Variants in SLC11A2 observed in about 807,000 individuals in gnomAD.
The protein encoded by SLC11A2 is natural resistance-associated macrophage protein 2.
A neutral mutation model predicts 68.0 loss-of-function variants in SLC11A2; 38 were observed. That is an observed-to-expected ratio of 0.56 (90% CI 0.43 to 0.73). SLC11A2 has a LOEUF of 0.73. Among genes scored for constraint, SLC11A2 ranks in the 30% least tolerant of loss-of-function variants. The pLI, the probability that SLC11A2 is intolerant of heterozygous loss-of-function variation, is 0.00. For missense variants in SLC11A2, 517 were observed against 690.5 expected, an observed-to-expected ratio of 0.75 and a Z score of 2.82; for synonymous variants, 242 against 250.6, an observed-to-expected ratio of 0.97 and a Z score of 0.32.
At chr12:51,011,889 T>G (rs1474952201) in intron 1 of SLC11A2, among the ~76,000 whole-genome samples, 2 of 152,118 alleles carry the variant, frequency 1.3e-5, no homozygotes, top group African/African-American at 4.8e-5. Flanking sequence ...GACAGAAATC[T>G]GTAATTCTCT....
intron 2 of SLC11A2, among the ~76,000 whole-genome samples, chr12:51,008,960 G>C (rs991108967): frequency 2.6e-5 from 4 of 151,698 alleles, no homozygotes; most frequent in Non-Finnish European, 5.9e-5. Flanking sequence ...AATTTTTAGA[G>C]CCATTTCATT....
Position 51,025,801 on chromosome 12 carries a change from T to C in SLC11A2, c.-39+509A>G, listed in dbSNP as rs571556354. Reference sequence around the variant, plus strand: ...ATTACTGAGCCGCGTATGCAGGCTATTCACACAGAAGGCGCTCCCTGAAGT... The same window carrying C: ...ATTACTGAGCCGCGTATGCAGGCTACTCACACAGAAGGCGCTCCCTGAAGT... On this transcript the variant is annotated intron_variant, in intron 1 of 15. Transcript: ENST00000262052. 5.1e-6 allele frequency: 5 copies of C among 986,556 alleles called. No individual in the cohort carries two copies. In the African/African-American group the frequency reaches 8.7e-5, roughly 17 times the overall value. The allele number at this position is 986,556 out of a possible 1,614,324, so 61.1% of individuals were successfully genotyped here. A position where few individuals can be genotyped will look rare whatever the true frequency, so the allele number is the denominator to read the frequency against.
chr12:50,962,152 G>A, the SLC11A2 span, among the ~76,000 whole-genome samples: 4 of 152,192 alleles, frequency 2.6e-5, no homozygotes, highest in East Asian at 1.9e-4. Context: ...TTGGGATGCC[G>A]AGGCGGGCAG....
In SLC11A2 at chr12:50,988,449, T is replaced by C. The variant is rs161044; in HGVS notation, c.1576-14A>G. On this transcript the variant is annotated splice_polypyrimidine_tract_variant and intron_variant, in intron 15 of 15. Coordinates refer to ENST00000262052, the MANE Select transcript of SLC11A2 (RefSeq NM_000617.3). ...ACATTGCCAACCCTGAAAGACAAAATATGGTCATCACTCACCAGGCTCTTT... is the reference window on the plus strand; with the variant it reads ...ACATTGCCAACCCTGAAAGACAAAACATGGTCATCACTCACCAGGCTCTTT... 0.93 allele frequency: 1,507,686 copies of C among 1,613,720 alleles called. 705,237 individuals carry two copies. Among genetic ancestry groups the C allele is most frequent in the East Asian group, 0.98 (44,092 of 44,846 alleles).
chr12:50,993,992 CAAAAAAAAAAAAAAAA>C (rs71663850), intron 11 of SLC11A2, among the ~76,000 whole-genome samples: 1 of 48,400 alleles, frequency 2.1e-5, no homozygotes, highest in African/African-American at 7.6e-5. Flanking sequence ...ACCTTGTCTC[CAAAAAAAAAAAAAAAA>C]AAAAAAAAAG....
chr12:51,015,099 G>T (rs1266549005), intron 1 of SLC11A2, among the ~76,000 whole-genome samples: 3 of 151,684 alleles, frequency 2.0e-5, no homozygotes, highest in Non-Finnish European at 4.4e-5. Flanking sequence ...GGTGGAGGTT[G>T]CGGTGAGCCA....
At chr12:50,981,412 C>T (rs1358446111), downstream of SLC11A2, 1 of 170,190 alleles carries the variant, frequency 5.9e-6, no homozygotes, top group Non-Finnish European at 1.3e-5. Flanking sequence ...AACTGAGATG[C>T]TCAGGTTTAC....
intron 1 of SLC11A2, chr12:51,025,685 T>TC: frequency 1.2e-6 from 1 of 860,834 alleles, no homozygotes; most frequent in Non-Finnish European, 1.4e-6. Flanking sequence ...ATGTGCAATA[T>TC]CCCCCTGTAG....
intron 1 of SLC11A2, among the ~76,000 whole-genome samples, chr12:51,017,131 G>A (rs1213476001): frequency 6.6e-6 from 1 of 151,390 alleles, no homozygotes; most frequent in African/African-American, 2.4e-5. Flanking sequence ...TCCTAAAAAT[G>A]TATTCTTTAA....
chr12:50,990,312 A>G (rs1941022855), intron 15 of SLC11A2, among the ~76,000 whole-genome samples: 2 of 152,060 alleles, frequency 1.3e-5, no homozygotes, highest in Non-Finnish European at 2.9e-5. Flanking sequence ...TGCATGCCCT[A>G]TTCTCCACCT....
At position 50,990,285 on chromosome 12, in the gene SLC11A2, G is replaced by A. The variant is rs534131259; in HGVS notation, c.1575+510C>T. Among the ~76,000 whole-genome samples, 37 of 152,194 alleles carry A rather than the reference G, an allele frequency of 2.4e-4. 1 individual carries two copies. Among genetic ancestry groups the A allele is most frequent in the African/African-American group, 7.9e-4 (33 of 41,546 alleles). On this transcript the variant is annotated intron_variant, in intron 15 of 15. Transcript: ENST00000262052. ...CTGTGTGCCACATGTGTCCCACCCC[G>A]AATCTCTAAATCACACTGCATGCCC...
chr12:50,969,794 T>C, the SLC11A2 span, among the ~76,000 whole-genome samples: 1 of 152,166 alleles, frequency 6.6e-6, no homozygotes, highest in Admixed American at 6.5e-5. Context: ...CAAGATCTGA[T>C]GCCTTGATAA....
chr12:50,968,527 C>T, the SLC11A2 span, among the ~76,000 whole-genome samples: 1 of 152,124 alleles, frequency 6.6e-6, no homozygotes, highest in African/African-American at 2.4e-5. Context: ...GCTGGGACTA[C>T]AGGCGTGTGC....
chr12:50,981,723 C>T (rs1940036875), downstream of SLC11A2: 5 of 1,529,690 alleles, frequency 3.3e-6, no homozygotes, highest in Middle Eastern at 1.7e-4. Flanking sequence ...CTCAGGCTGT[C>T]AGTCATCTAG....
chr12:50,982,075 T>C (rs183961404), downstream of SLC11A2, among the ~76,000 whole-genome samples: 86 of 152,340 alleles, frequency 5.6e-4, no homozygotes, highest in African/African-American at 1.8e-3. Flanking sequence ...TGACACACTC[T>C]GCCTAAGGAT....
At chr12:51,014,503 CT>C (rs896083966) in intron 1 of SLC11A2, among the ~76,000 whole-genome samples, 1 of 152,190 alleles carries the variant, frequency 6.6e-6, no homozygotes, top group Non-Finnish European at 1.5e-5. Flanking sequence ...AGTCTCCAGC[CT>C]TTTCAACAAA....
chr12:50,981,614 T>A (rs374931384), downstream of SLC11A2: 3 of 744,126 alleles, frequency 4.0e-6, no homozygotes, highest in East Asian at 5.7e-5. Context: ...TTGCCTTTTG[T>A]TCAAAACGTC....
At chr12:50,962,112 G>A in the SLC11A2 span, among the ~76,000 whole-genome samples, 1 of 152,154 alleles carries the variant, frequency 6.6e-6, no homozygotes, top group African/African-American at 2.4e-5. Flanking sequence ...CTGGCTGGGC[G>A]CAGTGGCTTG....
At chr12:51,009,974 G>A (rs902182844) in intron 2 of SLC11A2, among the ~76,000 whole-genome samples, 3 of 152,048 alleles carry the variant, frequency 2.0e-5, no homozygotes, top group Admixed American at 6.6e-5. Context: ...CTGAGGTCAG[G>A]AGTTCAAGAC....
Sources: allele counts gnomAD v4.1 joint callset (sites outside exome capture counted in the v4.1 genomes callset), GRCh38; gene constraint gnomAD v4.1.1; transcripts MANE v1.5; gene names NCBI Gene and HGNC (gene_info 2026-07-23, HGNC 2026-07-21).